Variants in TFB2M observed in about 807,000 individuals in gnomAD.
The protein encoded by TFB2M is dimethyladenosine transferase 2, mitochondrial.
In TFB2M, 44 loss-of-function variants were observed where a neutral mutation model predicts 41.3. That is an observed-to-expected ratio of 1.07 (90% confidence interval 0.84 to 1.37). The LOEUF (loss-of-function observed/expected upper bound fraction) is 1.37, where lower values mean the gene tolerates loss of function less well. TFB2M is among the 40% of genes most tolerant of loss of function. The pLI, the probability that TFB2M is intolerant of heterozygous loss-of-function variation, is 0.00. For synonymous variants in TFB2M, 188 were observed against 176.8 expected, an observed-to-expected ratio of 1.06 and a Z score of -0.50; for missense variants, 496 against 490.2, an observed-to-expected ratio of 1.01 and a Z score of -0.11.
At chr1:246,542,908 T>C (rs1281533587) in intron 7 of TFB2M, among the ~76,000 whole-genome samples, 2 of 151,398 alleles carry the variant, frequency 1.3e-5, no homozygotes, top group Non-Finnish European at 2.9e-5. Flanking sequence ...CTTTTTTTTT[T>C]TTTTTTTTTT....
At chr1:246,541,350 AGAG>A (rs1412690501) in intron 7 of TFB2M, 148 bp from the exon 8 acceptor site, 16 of 709,682 alleles carry the variant, frequency 2.3e-5, no homozygotes, top group South Asian at 3.9e-5. Flanking sequence ...TCAGCAGGGA[AGAG>A]GATGGGAGGA....
At chr1:246,559,853 T>A (rs545902414) in intron 2 of TFB2M, among the ~76,000 whole-genome samples, 132 of 152,108 alleles carry the variant, frequency 8.7e-4, no homozygotes, top group African/African-American at 3.0e-3. Flanking sequence ...GAAGGTAGAG[T>A]ATGTCCAAAG....
chr1:246,556,790 T>C (rs1659335075), intron 3 of TFB2M, 69 bp from the exon 4 acceptor site: 1 of 1,269,038 alleles, frequency 7.9e-7, no homozygotes, highest in East Asian at 2.7e-5. Context: ...CATATTTTTT[T>C]GAGACAAACT....
Position 246,547,128 on chromosome 1 carries a change from C to T in TFB2M, c.858+1417G>A, listed in dbSNP as rs1025068384. 8.6e-5 allele frequency among the ~76,000 whole-genome samples: 13 copies of T among 152,020 alleles called. No homozygotes were observed. The South Asian group carries it at 1.2e-3, about 15-fold the overall frequency. ...CCTCCTGAGTAGCTGGGACTACAGG[C>T]GCACGCCACCACACCCAGCTAATTC... On this transcript the variant is annotated intron_variant, in intron 6 of 7. Transcript: ENST00000366514.
At chr1:246,547,941 T>C (rs371624593) in intron 6 of TFB2M, among the ~76,000 whole-genome samples, 1,533 of 117,648 alleles carry the variant, frequency 0.013, 17 homozygotes, top group Non-Finnish European at 0.017. Flanking sequence ...AGTAGTAATA[T>C]CACAATTTTT....
intron 7 of TFB2M, among the ~76,000 whole-genome samples, chr1:246,543,546 C>A (rs1658917115): frequency 6.6e-6 from 1 of 152,012 alleles, no homozygotes; most frequent in South Asian, 2.1e-4. Flanking sequence ...GGGCATCAGG[C>A]CTACACACAA....
chr1:246,544,149 C>G (rs1367803203), intron 7 of TFB2M, among the ~76,000 whole-genome samples: 1 of 152,172 alleles, frequency 6.6e-6, no homozygotes, highest in African/African-American at 2.4e-5. Flanking sequence ...GGTTAAGGAA[C>G]AGAACCACTG....
chr1:246,556,776 T>C, intron 3 of TFB2M, 55 bp from the exon 4 acceptor site: 1 of 1,434,594 alleles, frequency 7.0e-7, no homozygotes. Context: ...TTTTGTCCTA[T>C]GTCCATATTT....
Position 246,565,968 on chromosome 1 carries a change from G to A in TFB2M, c.171C>T (p.Phe57=). 6.2e-7 allele frequency: 1 copy of A among 1,614,180 alleles called. No homozygotes were observed. Among genetic ancestry groups the A allele is most frequent in the Non-Finnish European group, 8.5e-7 (1 of 1,180,024 alleles). The change falls in exon 1 of 8, where the codon TTC becomes TTT. Residue 57 remains phenylalanine (F), a synonymous_variant. Coordinates refer to ENST00000366514, the MANE Select transcript of TFB2M (RefSeq NM_022366.3). ...SSPQLWPEPD[F]RNPPRKASKA... ...TAGACGCCTTCCTTGGCGGATTCCT[G>A]AAATCCGGTTCGGGCCACAGCTGCG... is the stretch of plus-strand genomic sequence containing the variant.
rs117300192 is a variant in TFB2M at position 246,558,488 on chromosome 1, G to A, written c.403-954C>T. Among the ~76,000 whole-genome samples the A allele has an allele frequency of 9.2e-5, 14 of 152,204 alleles. No individual in the cohort carries two copies. The East Asian group carries it at 2.7e-3, about 29-fold the overall frequency. ...TCATAATGGCTTCAGCTATTCAAAA[G>A]CTTTTCACACCACTCCCTGCCTGCT... On this transcript the variant is annotated intron_variant, in intron 2 of 7. Coordinates refer to ENST00000366514, the MANE Select transcript of TFB2M (RefSeq NM_022366.3).
intron 2 of TFB2M, among the ~76,000 whole-genome samples, chr1:246,560,187 C>T (rs1036606885): frequency 3.9e-5 from 6 of 152,010 alleles, no homozygotes; most frequent in South Asian, 2.1e-4. Flanking sequence ...CCTAGGCAAA[C>T]CAAAAGATTG....
chr1:246,564,501 T>A, intron 1 of TFB2M, 67 bp from the exon 2 acceptor site: 2 of 1,418,090 alleles, frequency 1.4e-6, no homozygotes, highest in Admixed American at 3.5e-5. Context: ...TACCAAACTT[T>A]CATTAGATGT....
chr1:246,564,328 G>A lies in TFB2M; in HGVS notation c.402+18C>T, dbSNP rs757118963. The A allele has an allele frequency of 1.2e-5, 20 of 1,610,176 alleles. No homozygotes were observed. Among genetic ancestry groups the A allele is most frequent in the Non-Finnish European group, 1.6e-5 (19 of 1,176,612 alleles). ...AGTTGAACAAACAATAACATACGTT[G>A]AGAAACTAAAAATATACCTCCAAAT... On this transcript the variant is annotated intron_variant, in intron 2 of 7. Coordinates refer to ENST00000366514, the MANE Select transcript of TFB2M (RefSeq NM_022366.3).
intron 2 of TFB2M, among the ~76,000 whole-genome samples, chr1:246,561,594 A>G (rs1400688377): frequency 6.6e-6 from 1 of 152,116 alleles, no homozygotes; most frequent in Non-Finnish European, 1.5e-5. Context: ...CAGCCTCCCA[A>G]GTAACTGGGA....
chr1:246,553,136 C>T (rs978003875), intron 4 of TFB2M, among the ~76,000 whole-genome samples: 2 of 152,130 alleles, frequency 1.3e-5, no homozygotes, highest in African/African-American at 2.4e-5. Context: ...GCAGGAGAAT[C>T]ACTTAAACTG....
chr1:246,559,001 T>C (rs1486642502), intron 2 of TFB2M, among the ~76,000 whole-genome samples: 2 of 152,230 alleles, frequency 1.3e-5, no homozygotes, highest in Non-Finnish European at 2.9e-5. Context: ...ATTCTATTAA[T>C]ATTTATTAAG....
chr1:246,547,117 G>C (rs945294149), intron 6 of TFB2M, among the ~76,000 whole-genome samples: 1 of 151,780 alleles, frequency 6.6e-6, no homozygotes, highest in African/African-American at 2.4e-5. Context: ...CTGAGTAGCT[G>C]GGACTACAGG....
intron 4 of TFB2M, among the ~76,000 whole-genome samples, chr1:246,555,342 C>T (rs1286553361): frequency 6.6e-6 from 1 of 152,146 alleles, no homozygotes; most frequent in Non-Finnish European, 1.5e-5. Flanking sequence ...AGTCCCAACA[C>T]TTTAGGAGGC....
chr1:246,546,710 C>T (rs1258644339), intron 6 of TFB2M, among the ~76,000 whole-genome samples: 4 of 147,540 alleles, frequency 2.7e-5, no homozygotes, highest in East Asian at 3.9e-4. Flanking sequence ...CAAGATAAAA[C>T]ATCACCATCG....
Sources: allele counts gnomAD v4.1 joint callset (sites outside exome capture counted in the v4.1 genomes callset), GRCh38; gene constraint gnomAD v4.1.1; transcripts MANE v1.5; gene names NCBI Gene and HGNC (gene_info 2026-07-23, HGNC 2026-07-21).